ESR1: variants seen among roughly 807,000 people sequenced by gnomAD.
ESR1 encodes estrogen receptor.
In ESR1, 12 loss-of-function variants were observed where a neutral mutation model predicts 52.7. The ratio of observed to expected loss-of-function variants is 0.23; its 90% CI spans 0.15 to 0.37. ESR1 has a LOEUF of 0.37. ESR1 is among the 10% of genes least tolerant of loss of function. ESR1 has a pLI of 1.00. For missense variants in ESR1, 584 were observed against 779.7 expected (o/e 0.75, Z 2.99); for synonymous variants, 305 against 316.8 (o/e 0.96, Z 0.39).
intron 6 of ESR1, among the ~76,000 whole-genome samples, chr6:152,090,822 C>T (rs1240687248): frequency 1.3e-5 from 2 of 152,142 alleles, no homozygotes; most frequent in African/African-American, 2.4e-5. Context: ...GTCCTCGTGG[C>T]TTCACTCCCC....
chr6:151,714,100 C>A (rs1397719344), intron 2 of ESR1, among the ~76,000 whole-genome samples: 3 of 152,212 alleles, frequency 2.0e-5, no homozygotes, highest in Non-Finnish European at 4.4e-5. Context: ...GTCATTTACA[C>A]AGTAGTCATT....
intron 1 of ESR1, among the ~76,000 whole-genome samples, chr6:151,819,505 G>A (rs925825896): frequency 5.9e-5 from 9 of 152,160 alleles, no homozygotes; most frequent in Non-Finnish European, 1.0e-4. Context: ...GGTAGCATTA[G>A]ATTTTCATAG....
chr6:151,690,794 T>C (rs1245023295), intron 1 of ESR1: 1 of 152,230 alleles, frequency 6.6e-6, no homozygotes, highest in East Asian at 1.9e-4. Context: ...GTCTTTCTGC[T>C]CCAAGGATAT....
At chr6:151,659,151 T>G (rs1186772903) in intron 1 of ESR1, among the ~76,000 whole-genome samples, 1 of 152,154 alleles carries the variant, frequency 6.6e-6, no homozygotes, top group Non-Finnish European at 1.5e-5. Context: ...GTAGCTGGGA[T>G]TACAGTCATG....
chr6:152,059,564 G>A (rs765591473), intron 5 of ESR1, among the ~76,000 whole-genome samples: 1 of 151,962 alleles, frequency 6.6e-6, no homozygotes, highest in African/African-American at 2.4e-5. Context: ...AGAAAAATAC[G>A]TGCAAAGGAC....
At chr6:151,899,753 C>T (rs1466710949) in intron 3 of ESR1, among the ~76,000 whole-genome samples, 4 of 151,828 alleles carry the variant, frequency 2.6e-5, no homozygotes, top group Admixed American at 6.5e-5. Flanking sequence ...CCTCACATCC[C>T]AGACGGGGCG....
chr6:152,111,752 G>A lies in ESR1; in HGVS notation c.851-13514G>A, dbSNP rs190479729. Among the ~76,000 whole-genome samples, 4 of 152,232 alleles carry A rather than the reference G, an allele frequency of 2.6e-5. No individual in the cohort carries two copies. The East Asian group carries it at 5.8e-4, about 22-fold the overall frequency. On this transcript the variant is annotated intron_variant, in intron 6 of 6. Transcript: ENST00000427531. Reference sequence around the variant, plus strand: ...GCTGCAGGAACCGTGTCGCTGTCTCGGTAGCTGCTTTACACGTGGTCTCAG... The same window carrying A: ...GCTGCAGGAACCGTGTCGCTGTCTCAGTAGCTGCTTTACACGTGGTCTCAG...
rs1351569322 is a variant in ESR1 at position 152,080,437 on chromosome 6, A to G, written c.1370-13948A>G. On this transcript the variant is annotated intron_variant, in intron 6 of 7. Coordinates refer to ENST00000206249, the MANE Select transcript of ESR1 (RefSeq NM_000125.4). ...AAGTGAAGGAGAAATAAAATCCTTTACAGACAAGCAAATGCTGAGAGATTT... is the reference window on the plus strand; with the variant it reads ...AAGTGAAGGAGAAATAAAATCCTTTGCAGACAAGCAAATGCTGAGAGATTT... 2.0e-5 allele frequency among the ~76,000 whole-genome samples: 3 copies of G among 152,214 alleles called. No homozygotes were observed. In the East Asian group the frequency reaches 5.8e-4, roughly 29 times the overall value.
chr6:151,966,160 C>A (rs2347869), intron 4 of ESR1, among the ~76,000 whole-genome samples: 77,511 of 152,028 alleles, frequency 0.51, 22,824 homozygotes, highest in Middle Eastern at 0.7. Flanking sequence ...GACAGAGTAT[C>A]AAATTCTGCT....
chr6:151,898,843 C>T (rs1795988135), intron 3 of ESR1, among the ~76,000 whole-genome samples: 1 of 152,200 alleles, frequency 6.6e-6, no homozygotes, highest in Non-Finnish European at 1.5e-5. Context: ...CAATCTTTTC[C>T]CCACCTTTCC....
At chr6:152,041,150 C>T (rs983310515) in intron 5 of ESR1, among the ~76,000 whole-genome samples, 4 of 152,130 alleles carry the variant, frequency 2.6e-5, no homozygotes, top group African/African-American at 4.8e-5. Context: ...GGGCCTTGCT[C>T]CAAATTCCTA....
intron 1 of ESR1, among the ~76,000 whole-genome samples, chr6:151,836,513 A>C (rs1261358336): frequency 6.6e-6 from 1 of 152,250 alleles, no homozygotes; most frequent in Non-Finnish European, 1.5e-5. Context: ...CCCCCAGGAC[A>C]CATGGAATTA....
At chr6:152,106,076 A>G (rs2051063816), downstream of ESR1, among the ~76,000 whole-genome samples, 1 of 151,228 alleles carries the variant, frequency 6.6e-6, no homozygotes, top group African/African-American at 2.4e-5. Context: ...TACAGGCGTG[A>G]GCCACCGCGC....
chr6:151,720,912 T>C (rs1188179820), intron 2 of ESR1, among the ~76,000 whole-genome samples: 1 of 152,256 alleles, frequency 6.6e-6, no homozygotes, highest in African/African-American at 2.4e-5. Context: ...TAAAGGTAAT[T>C]ATTTAATCAA....
intron 5 of ESR1, among the ~76,000 whole-genome samples, chr6:152,051,382 A>G (rs1292634840): frequency 6.6e-6 from 1 of 152,166 alleles, no homozygotes; most frequent in Non-Finnish European, 1.5e-5. Flanking sequence ...CAAACAAGCA[A>G]ACAAAAACAA....
intron 5 of ESR1, among the ~76,000 whole-genome samples, chr6:152,034,130 G>A (rs1489977544): frequency 6.1e-5 from 9 of 147,028 alleles, no homozygotes; most frequent in Non-Finnish European, 1.0e-4. Context: ...ATCACACACC[G>A]GGGCCTTTTG....
intron 3 of ESR1, among the ~76,000 whole-genome samples, chr6:151,934,627 G>A (rs2034126643): frequency 6.6e-6 from 1 of 152,112 alleles, no homozygotes; most frequent in African/African-American, 2.4e-5. Context: ...AGCAGTTTTA[G>A]CCTGTCCGCT....
intron 1 of ESR1, among the ~76,000 whole-genome samples, chr6:151,680,352 C>T (rs1393683331): frequency 6.6e-6 from 1 of 151,992 alleles, no homozygotes; most frequent in African/African-American, 2.4e-5. Flanking sequence ...TACAGGTGCA[C>T]ACCACCACGC....
At chr6:151,828,577 T>C (rs1375369126) in intron 1 of ESR1, among the ~76,000 whole-genome samples, 1 of 151,604 alleles carries the variant, frequency 6.6e-6, no homozygotes, top group Non-Finnish European at 1.5e-5. Flanking sequence ...GGAAGGGGAG[T>C]GAAGGAACAG....
Sources: allele counts gnomAD v4.1 joint callset (sites outside exome capture counted in the v4.1 genomes callset), GRCh38; gene constraint gnomAD v4.1.1; transcripts MANE v1.5; gene names NCBI Gene and HGNC (gene_info 2026-07-23, HGNC 2026-07-21).